Variants in GPC5 observed in about 807,000 individuals in gnomAD.
GPC5 encodes the protein glypican-5.
Under a neutral mutation model 53.9 loss-of-function variants are expected in GPC5, and 47 were observed. The observed-to-expected ratio is 0.87, with a 90% CI of 0.69 to 1.11. The LOEUF is 1.11. Among genes scored for constraint, GPC5 ranks in the 50% most tolerant of loss-of-function variants. The probability of loss-of-function intolerance (pLI) is 0.00; values close to 1 mark genes in which losing one functional copy is unlikely to be tolerated. For synonymous variants in GPC5, 286 were observed against 263.3 expected (o/e 1.09, Z -0.84); for missense variants, 748 against 713.1 (o/e 1.05, Z -0.56).
intron 7 of GPC5, among the ~76,000 whole-genome samples, chr13:92,649,595 A>T (rs1594381717): frequency 1.3e-5 from 2 of 152,236 alleles, no homozygotes; most frequent in South Asian, 4.1e-4. Context: ...ATTACAAGGG[A>T]TAACAAAATG....
chr13:91,548,903 A>G (rs996605578), intron 2 of GPC5, among the ~76,000 whole-genome samples: 1 of 152,124 alleles, frequency 6.6e-6, no homozygotes, highest in East Asian at 1.9e-4. Context: ...CCACATGTGG[A>G]AAAATGAGTC....
At chr13:91,738,193 T>G (rs888946285) in intron 4 of GPC5, among the ~76,000 whole-genome samples, 4 of 151,432 alleles carry the variant, frequency 2.6e-5, no homozygotes, top group African/African-American at 9.8e-5. Context: ...TAAGGAAAAT[T>G]TTCTTTATAG....
intron 7 of GPC5, among the ~76,000 whole-genome samples, chr13:92,764,003 G>A (rs887494722): frequency 6.6e-6 from 1 of 152,172 alleles, no homozygotes; most frequent in East Asian, 1.9e-4. Flanking sequence ...CCTAGAGTCT[G>A]TTGTTTTGCC....
chr13:91,669,721 A>G (rs2035200390), intron 2 of GPC5, among the ~76,000 whole-genome samples: 1 of 152,184 alleles, frequency 6.6e-6, no homozygotes, highest in African/African-American at 2.4e-5. Context: ...ATTCTGTATT[A>G]ATTGTCCATA....
In GPC5 at chr13:91,684,748, G is replaced by A. The variant is rs1188791252; in HGVS notation, c.326-8439G>A. 3.9e-5 allele frequency among the ~76,000 whole-genome samples: 6 copies of A among 152,260 alleles called. No homozygotes were observed. The South Asian group carries it at 6.2e-4, about 16-fold the overall frequency. ...ACTGTTATCCTTTAAGACATGAACAGCATCACATTTCTCCTATGTTGAAAA... is the reference window on the plus strand; with the variant it reads ...ACTGTTATCCTTTAAGACATGAACAACATCACATTTCTCCTATGTTGAAAA... On this transcript the variant is annotated intron_variant, in intron 2 of 7. Coordinates refer to ENST00000377067, the MANE Select transcript of GPC5 (RefSeq NM_004466.6).
At chr13:92,862,352 G>C (rs1252089157) in intron 7 of GPC5, among the ~76,000 whole-genome samples, 1 of 151,856 alleles carries the variant, frequency 6.6e-6, no homozygotes, top group Non-Finnish European at 1.5e-5. Context: ...TATTTTTTGA[G>C]GTGTCATGAC....
At chr13:91,408,164 A>G (rs1877466090) in intron 1 of GPC5, among the ~76,000 whole-genome samples, 1 of 152,094 alleles carries the variant, frequency 6.6e-6, no homozygotes, top group African/African-American at 2.4e-5. Flanking sequence ...TATTCTTTTC[A>G]TCTATCTGTA....
intron 7 of GPC5, among the ~76,000 whole-genome samples, chr13:92,466,564 G>C (rs1041311121): frequency 6.6e-6 from 1 of 151,986 alleles, no homozygotes; most frequent in African/African-American, 2.4e-5. Context: ...ACTGTTTATG[G>C]TAAAATTCTT....
chr13:92,341,118 T>A (rs1457151069), intron 7 of GPC5, among the ~76,000 whole-genome samples: 1 of 152,142 alleles, frequency 6.6e-6, no homozygotes, highest in African/African-American at 2.4e-5. Context: ...AAAGTTTGAA[T>A]AAAAAGTATG....
chr13:92,717,414 A>G (rs752963146), intron 7 of GPC5, among the ~76,000 whole-genome samples: 9 of 152,136 alleles, frequency 5.9e-5, no homozygotes, highest in Non-Finnish European at 1.2e-4. Context: ...TATATTTTCT[A>G]AACTCAATTT....
At chr13:91,929,091 T>A (rs1364297425) in intron 6 of GPC5, among the ~76,000 whole-genome samples, 1 of 152,106 alleles carries the variant, frequency 6.6e-6, no homozygotes, top group Non-Finnish European at 1.5e-5. Context: ...CACCTTGGCT[T>A]TTTGGATTAT....
At chr13:92,555,631 A>G (rs982460189) in intron 7 of GPC5, among the ~76,000 whole-genome samples, 8 of 150,218 alleles carry the variant, frequency 5.3e-5, no homozygotes, top group African/African-American at 1.5e-4. Flanking sequence ...AAGTAAATGC[A>G]TGTAATTTAT....
At chr13:91,668,620 T>C (rs1019503073) in intron 2 of GPC5, among the ~76,000 whole-genome samples, 7 of 152,132 alleles carry the variant, frequency 4.6e-5, no homozygotes, top group Admixed American at 1.3e-4. Context: ...CTCTAAAAAA[T>C]TATTTTTTAA....
rs138843340 is a variant in GPC5 at position 92,760,393 on chromosome 13, C to T, written c.1562-105889C>T. Reference sequence around the variant, plus strand: ...TTCAGATTTATATGTCTTCCTTATTCAACCTTGTTAGATTGTATTTTTCTA... The same window carrying T: ...TTCAGATTTATATGTCTTCCTTATTTAACCTTGTTAGATTGTATTTTTCTA... On this transcript the variant is annotated intron_variant, in intron 7 of 7. Coordinates refer to ENST00000377067, the MANE Select transcript of GPC5 (RefSeq NM_004466.6). Among the ~76,000 whole-genome samples, 872 of 152,096 alleles carry T rather than the reference C, an allele frequency of 5.7e-3. 10 individuals are homozygous for T. The highest frequency in any genetic ancestry group is 0.01 in the Middle Eastern group (3 of 294).
At chr13:91,636,424 G>A (rs1594362516) in intron 2 of GPC5, among the ~76,000 whole-genome samples, 1 of 151,718 alleles carries the variant, frequency 6.6e-6, no homozygotes. Flanking sequence ...ACACGTGTGT[G>A]CAGTGTGTGT....
At chr13:91,767,383 A>G (rs1278782014) in intron 5 of GPC5, among the ~76,000 whole-genome samples, 12 of 152,358 alleles carry the variant, frequency 7.9e-5, no homozygotes, top group East Asian at 7.7e-4. Context: ...AAAGCACTAT[A>G]GAGATAAAAG....
At chr13:92,484,867 T>G (rs1231885003) in intron 7 of GPC5, among the ~76,000 whole-genome samples, 1 of 152,106 alleles carries the variant, frequency 6.6e-6, no homozygotes, top group Non-Finnish European at 1.5e-5. Context: ...CCCGAGTAGC[T>G]GGGACTATAG....
In GPC5 at chr13:92,363,227, T is replaced by C. The variant is rs73631012; in HGVS notation, c.1561+218238T>C. Among the ~76,000 whole-genome samples the C allele has an allele frequency of 9.5e-3, 1,445 of 151,726 alleles. 65 individuals carry two copies. Among genetic ancestry groups the C allele is most frequent in the African/African-American group, 0.033 (1,345 of 41,032 alleles). On this transcript the variant is annotated intron_variant, in intron 7 of 7. Transcript: ENST00000377067. ...CACAGGGCTAGGAATAGTTGTTGTT[T>C]CCACCAGCTAGAGTAAAAATCTTGT...
At chr13:91,450,144 G>T (rs979997395) in intron 2 of GPC5, among the ~76,000 whole-genome samples, 2 of 152,082 alleles carry the variant, frequency 1.3e-5, no homozygotes, top group African/African-American at 4.8e-5. Context: ...TGTAGAAAGC[G>T]TGAAATGTCA....
Sources: gnomAD v4.1 joint callset for allele counts (sites outside exome capture counted in the v4.1 genomes callset) on GRCh38, gnomAD v4.1.1 for gene constraint, MANE v1.5 for transcripts, NCBI Gene and HGNC (gene_info 2026-07-23, HGNC 2026-07-21) for gene names.